PRDX2: variants seen among roughly 807,000 people sequenced by gnomAD.
PRDX2 encodes peroxiredoxin-2.
PRDX2 carries 10 observed loss-of-function variants against 19.8 expected under a neutral mutation model. That is an observed-to-expected ratio of 0.50 (90% CI 0.31 to 0.86). The LOEUF (loss-of-function observed/expected upper bound fraction) is 0.86. Ranked by LOEUF, PRDX2 falls within the 40% of genes least tolerant of loss-of-function variation. The pLI is 0.04. For synonymous variants in PRDX2, 118 were observed against 108.2 expected (o/e 1.09, Z -0.56); for missense variants, 226 against 260.1 (o/e 0.87, Z 0.90).
In PRDX2 at chr19:12,798,029, T is replaced by C. The variant is rs115124289; in HGVS notation, c.512-863A>G. Among the ~76,000 whole-genome samples the C allele has an allele frequency of 1.8e-3, 267 of 151,848 alleles. 1 individual carries two copies. The highest frequency in any genetic ancestry group is 6.0e-3 in the African/African-American group (247 of 41,422). ...TCAATTTCTTTTTGCCACCCAGCTCTCCTTTTTCTTCTTTTTTTCTTTTCT... is the reference window on the plus strand; with the variant it reads ...TCAATTTCTTTTTGCCACCCAGCTCCCCTTTTTCTTCTTTTTTTCTTTTCT... On this transcript the variant is annotated intron_variant, in intron 5 of 5. Coordinates refer to ENST00000301522, the MANE Select transcript of PRDX2 (RefSeq NM_005809.6).
intron 3 of PRDX2, chr19:12,800,712 A>T (rs1166667280): frequency 4.5e-5 from 66 of 1,476,604 alleles, no homozygotes; most frequent in Non-Finnish European, 5.7e-5. Context: ...TCTGAGTTGC[A>T]TCTGCAACTC....
At position 12,801,238 on chromosome 19, in the gene PRDX2, G is replaced by A. The variant is rs771211287; in HGVS notation, c.24C>T (p.Ile8=). 6.2e-7 allele frequency: 1 copy of A among 1,613,702 alleles called. No homozygotes were observed. Among genetic ancestry groups the A allele is most frequent in the Non-Finnish European group, 8.5e-7 (1 of 1,179,874 alleles). ...CCTTGAAGTCAGGGGCTGGCTTTCC[G>A]ATGCGCGCGTTACCGGAGGCCATGA... MASGNAR[I]GKPAPDFKAT... is the part of the protein sequence containing the mutation. Residue 8 remains isoleucine, a synonymous_variant, in exon 2 of 6, where the codon ATC becomes ATT. Coordinates refer to ENST00000301522, the MANE Select transcript of PRDX2 (RefSeq NM_005809.6).
At chr19:12,797,254 G>T in intron 5 of PRDX2, 88 bp from the exon 6 acceptor site, 2 of 1,162,998 alleles carry the variant, frequency 1.7e-6, no homozygotes, top group Non-Finnish European at 1.3e-6. Context: ...AGAAGAAAAT[G>T]CTGGAAGCAA....
At chr19:12,800,395 G>T (rs760887072) in intron 3 of PRDX2, 96 bp from the exon 4 acceptor site, 146 of 1,483,384 alleles carry the variant, frequency 9.8e-5, no homozygotes, top group Non-Finnish European at 1.3e-4. Context: ...GGAGGCCGGA[G>T]ATAAGGGGCT....
chr19:12,797,330 T>TTC (rs1173849459), intron 5 of PRDX2, among the ~76,000 whole-genome samples, 164 bp from the exon 6 acceptor site: 1 of 148,594 alleles, frequency 6.7e-6, no homozygotes, highest in African/African-American at 2.5e-5. Context: ...TATTTTTTCT[T>TTC]TTTTTTTTTT....
At chr19:12,800,454 CA>C in intron 3 of PRDX2, 155 bp from the exon 4 acceptor site, 1 of 1,010,000 alleles carries the variant, frequency 9.9e-7, no homozygotes, top group East Asian at 2.6e-5. Context: ...GGGTTGGGTG[CA>C]AGGACTGTAT....
chr19:12,797,216 G>A, intron 5 of PRDX2, 50 bp from the exon 6 acceptor site: 2 of 1,550,248 alleles, frequency 1.3e-6, no homozygotes, highest in Non-Finnish European at 1.8e-6. Flanking sequence ...CCAGGTTCAA[G>A]GTGAAGCAAA....
intron 1 of PRDX2, 83 bp from the exon 2 acceptor site, chr19:12,801,353 A>C: frequency 3.6e-6 from 5 of 1,393,666 alleles, no homozygotes; most frequent in Non-Finnish European, 5.0e-6. Context: ...GGGCCCTATG[A>C]CTGAGTCAGC....
chr19:12,801,662 G>A lies in PRDX2; in HGVS notation c.-10+78C>T, dbSNP rs1968901154. ...ACTATAGCGGATGGAAAGCAAAGGC[G>A]GCCAGCACTAAAGTCAGGATCGGGC... On this transcript the variant is annotated intron_variant, in intron 1 of 5. Transcript: ENST00000301522. 2.5e-5 allele frequency: 8 copies of A among 322,700 alleles called. No individual in the cohort carries two copies. In the South Asian group the frequency reaches 3.9e-4, roughly 16 times the overall value. The allele number at this position is 322,700 out of a possible 1,614,324, so 20.0% of individuals were successfully genotyped here. A position where few individuals can be genotyped will look rare whatever the true frequency, so the allele number is the denominator to read the frequency against.
chr19:12,800,681 C>T, intron 3 of PRDX2: 2 of 1,452,770 alleles, frequency 1.4e-6, no homozygotes, highest in Non-Finnish European at 1.8e-6. Context: ...GAACTAAGTA[C>T]ATAGAGTAGA....
At position 12,800,162 on chromosome 19, in the gene PRDX2, A is replaced by G; in HGVS notation, c.380+15T>C. On this transcript the variant is annotated intron_variant, in intron 4 of 5. Coordinates refer to ENST00000301522, the MANE Select transcript of PRDX2 (RefSeq NM_005809.6). Reference sequence around the variant, plus strand: ...GCAGGGCGCTCCCTGAGCCGGGCTGAGGGTCCCACAGTACCTGTAGGCAAT... The same window carrying G: ...GCAGGGCGCTCCCTGAGCCGGGCTGGGGGTCCCACAGTACCTGTAGGCAAT... The G allele has an allele frequency of 1.2e-6, 2 of 1,612,292 alleles. No homozygotes were observed. Among genetic ancestry groups the G allele is most frequent in the Non-Finnish European group, 1.7e-6 (2 of 1,178,886 alleles).
chr19:12,800,933 C>T lies in PRDX2; in HGVS notation c.240G>A (p.Gln80=). The change falls in exon 3 of 6, where the codon CAG becomes CAA. Residue 80 remains glutamine, a synonymous_variant. Coordinates refer to ENST00000301522, the MANE Select transcript of PRDX2 (RefSeq NM_005809.6). ...CEVLGVSVDS[Q]FTHLAWINTP... ...GCTCATACCAAGCCAGGTGGGTGAACTGAGAGTCCACCGAGACGCCCAGCA... is the reference window on the plus strand; with the variant it reads ...GCTCATACCAAGCCAGGTGGGTGAATTGAGAGTCCACCGAGACGCCCAGCA... The T allele has an allele frequency of 6.2e-7, 1 of 1,610,854 alleles. No homozygotes were observed. Among genetic ancestry groups the T allele is most frequent in the Non-Finnish European group, 8.5e-7 (1 of 1,178,974 alleles).
At chr19:12,800,443 TGG>T in intron 3 of PRDX2, 144 bp from the exon 4 acceptor site, 2 of 1,098,566 alleles carry the variant, frequency 1.8e-6, no homozygotes, top group Non-Finnish European at 2.6e-6. Flanking sequence ...CACCCCACCC[TGG>T]GTTGGGTGCA....
chr19:12,800,201 T>C lies in PRDX2; in HGVS notation c.356A>G (p.Lys119Arg), dbSNP rs575467876. Reference sequence around the variant, plus strand: ...CCTGTAGGCAATGCCCTCATCTGTTTTCAGCACGCCGTAATCCTCAGACAA... The same window carrying C: ...CCTGTAGGCAATGCCCTCATCTGTTCTCAGCACGCCGTAATCCTCAGACAA... ...RRLSEDYGVL[K>R]TDEGIAYRGL... The change falls in exon 4 of 6, where the codon AAA becomes AGA. Residue 119 changes from lysine (K) to arginine (R), a missense_variant. Coordinates refer to ENST00000301522, the MANE Select transcript of PRDX2 (RefSeq NM_005809.6). 74 of 1,613,886 alleles carry C rather than the reference T, an allele frequency of 4.6e-5. No individual in the cohort carries two copies. The South Asian group carries it at 6.6e-4, about 14-fold the overall frequency.
Position 12,799,919 on chromosome 19 carries a change from A to T in PRDX2, c.451T>A (p.Ser151Thr). 4 of 1,613,926 alleles carry T rather than the reference A, an allele frequency of 2.5e-6. No individual in the cohort carries two copies. The highest frequency in any genetic ancestry group is 3.4e-6 in the Non-Finnish European group (4 of 1,179,980). ...ACCAGCCGCAGAGCCTCATCCACGG[A>T]GCGTCCCACAGGCAAATCATTAACA... Reference protein sequence around the residue: ...ITVNDLPVGRSVDEALRLVQA... With the variant: ...ITVNDLPVGRTVDEALRLVQA... The change falls in exon 5 of 6, where the codon TCC becomes ACC. Residue 151 changes from serine (S) to threonine (T), a missense_variant. By Grantham distance (58) the Ser-to-Thr change is moderately conservative. Transcript: ENST00000301522.
In PRDX2 at chr19:12,799,854, C is replaced by T; in HGVS notation, c.511+5G>A. ...TACCCATGTGTCATGTGTGTATCTGCTCACCTTCCCCATGCTCGTCTGTGT... is the reference window on the plus strand; with the variant it reads ...TACCCATGTGTCATGTGTGTATCTGTTCACCTTCCCCATGCTCGTCTGTGT... On this transcript the variant is annotated splice_donor_5th_base_variant and intron_variant, in intron 5 of 5. Coordinates refer to ENST00000301522, the MANE Select transcript of PRDX2 (RefSeq NM_005809.6). The T allele has an allele frequency of 6.2e-7, 1 of 1,611,628 alleles. No homozygotes were observed. The highest frequency in any genetic ancestry group is 8.5e-7 in the Non-Finnish European group (1 of 1,179,588).
chr19:12,800,133 G>C (rs1340208838), intron 4 of PRDX2, 44 bp downstream of exon 4: 2 of 1,606,446 alleles, frequency 1.2e-6, no homozygotes, highest in East Asian at 4.5e-5. Flanking sequence ...CACAGGAATG[G>C]GGGGCAGGGC....
chr19:12,798,661 T>C (rs1968835884), intron 5 of PRDX2, among the ~76,000 whole-genome samples: 1 of 149,386 alleles, frequency 6.7e-6, no homozygotes, highest in African/African-American at 2.5e-5. Context: ...TCTTTTTTTT[T>C]TTTTTTTTTT....
chr19:12,797,102 T>C lies in PRDX2; in HGVS notation c.576A>G (p.Glu192=), dbSNP rs763874386. The change falls in exon 6 of 6, where the codon GAA becomes GAG. Residue 192 remains glutamate (E), a synonymous_variant. Transcript: ENST00000301522. ...CAGCCTAATTGTGTTTGGAGAAATA[T>C]TCCTTGCTGTCATCCACGTTGGGCT... is the stretch of plus-strand genomic sequence containing the variant. The part of the protein sequence containing the change: ...TIKPNVDDSK[E]YFSKHN 1 of 1,614,042 alleles carries C rather than the reference T, an allele frequency of 6.2e-7. No individual in the cohort carries two copies. The highest frequency in any genetic ancestry group is 1.3e-5 in the African/African-American group (1 of 74,934).
Sources: gnomAD v4.1 joint callset for allele counts (sites outside exome capture counted in the v4.1 genomes callset) on GRCh38, gnomAD v4.1.1 for gene constraint, MANE v1.5 for transcripts, NCBI Gene and HGNC (gene_info 2026-07-23, HGNC 2026-07-21) for gene names.